The following ANKRD30B variants were observed in gnomAD, a reference collection of about 807,000 sequenced individuals.
ANKRD30B encodes the protein ankyrin repeat domain-containing protein 30B.
A neutral mutation model predicts 202.2 loss-of-function variants in ANKRD30B; 144 were observed. The observed-to-expected ratio is 0.71, with a 90% CI of 0.62 to 0.82. The LOEUF (loss-of-function observed/expected upper bound fraction) is 0.82. Ranked by LOEUF, ANKRD30B falls within the 40% of genes least tolerant of loss-of-function variation. The pLI is 0.00. For missense variants in ANKRD30B, 1,487 were observed against 1,669.1 expected, an observed-to-expected ratio of 0.89 and a Z score of 1.90; for synonymous variants, 508 against 561.3, an observed-to-expected ratio of 0.91 and a Z score of 1.34.
chr18:14,939,394 A>G, the ANKRD30B span, among the ~76,000 whole-genome samples: 95,375 of 151,996 alleles, frequency 0.63, 30,114 homozygotes, highest in African/African-American at 0.7. Context: ...CCTCACACCC[A>G]AGGTCCCTGT....
chr18:14,791,778 G>A (rs1177886863), intron 16 of ANKRD30B, among the ~76,000 whole-genome samples: 1 of 152,188 alleles, frequency 6.6e-6, no homozygotes. Flanking sequence ...AATGAAGATC[G>A]AGAAAGACAG....
chr18:14,899,937 G>A, the ANKRD30B span, among the ~76,000 whole-genome samples: 4 of 152,132 alleles, frequency 2.6e-5, no homozygotes, highest in South Asian at 2.1e-4. Context: ...ATTAAATGAC[G>A]AACGGATGAG....
intron 15 of ANKRD30B, among the ~76,000 whole-genome samples, chr18:14,788,722 A>C (rs1474716910): frequency 2.0e-5 from 3 of 151,976 alleles, no homozygotes; most frequent in African/African-American, 7.2e-5. Flanking sequence ...AAGGACATGA[A>C]CTCATCATTT....
intron 20 of ANKRD30B, 74 bp downstream of exon 20, chr18:14,797,928 T>A (rs1180296889): frequency 4.8e-6 from 6 of 1,260,382 alleles, no homozygotes; most frequent in Non-Finnish European, 5.5e-6. Flanking sequence ...AGCCTTTTAT[T>A]CCCAATGTTG....
At chr18:14,898,207 A>T in the ANKRD30B span, among the ~76,000 whole-genome samples, 2 of 152,122 alleles carry the variant, frequency 1.3e-5, no homozygotes, top group African/African-American at 4.8e-5. Flanking sequence ...TTTAAATATA[A>T]ATTCAAATTA....
the ANKRD30B span, among the ~76,000 whole-genome samples, chr18:14,884,413 C>G: frequency 1.3e-5 from 2 of 152,096 alleles, no homozygotes; most frequent in Non-Finnish European, 2.9e-5. Flanking sequence ...TGTCCAGGCT[C>G]ATGAGCCACA....
chr18:14,898,017 G>A, the ANKRD30B span, among the ~76,000 whole-genome samples: 5 of 152,016 alleles, frequency 3.3e-5, no homozygotes, highest in Non-Finnish European at 7.4e-5. Context: ...TAATTCTCAT[G>A]TTTCACTAAT....
Position 14,784,616 on chromosome 18 carries a change from A to G in ANKRD30B, c.1672+81A>G, listed in dbSNP as rs954736032. Reference sequence around the variant, plus strand: ...ATAGTCTTTCTATCCCCAATGATTTATTTCTTTTAACTTTGATGAAAAGAT... The same window carrying G: ...ATAGTCTTTCTATCCCCAATGATTTGTTTCTTTTAACTTTGATGAAAAGAT... On this transcript the variant is annotated intron_variant, in intron 14 of 43. Coordinates refer to ENST00000690538, the MANE Select transcript of ANKRD30B (RefSeq NM_001367607.2). The G allele has an allele frequency of 4.9e-6, 7 of 1,431,074 alleles. No homozygotes were observed. The South Asian group carries it at 7.9e-5, about 16-fold the overall frequency. The allele number at this position is 1,431,074 out of a possible 1,614,324, so 88.6% of individuals were successfully genotyped here.
chr18:14,761,858 G>A (rs1262912633), intron 6 of ANKRD30B, among the ~76,000 whole-genome samples: 1 of 152,142 alleles, frequency 6.6e-6, no homozygotes, highest in Non-Finnish European at 1.5e-5. Context: ...TGAGCAATAT[G>A]AGAGTTAGGG....
At chr18:14,815,791 G>GA (rs1384476537) in intron 30 of ANKRD30B, among the ~76,000 whole-genome samples, 7 of 152,048 alleles carry the variant, frequency 4.6e-5, no homozygotes, top group Admixed American at 2.6e-4. Flanking sequence ...TGTCAATATT[G>GA]AAAGCTTATT....
intron 32 of ANKRD30B, among the ~76,000 whole-genome samples, chr18:14,827,210 G>T (rs1414571670): frequency 6.6e-6 from 1 of 152,106 alleles, no homozygotes; most frequent in Non-Finnish European, 1.5e-5. Flanking sequence ...GATGACTAAT[G>T]GGCAGATAGC....
chr18:14,881,520 C>G, the ANKRD30B span, among the ~76,000 whole-genome samples: 173 of 152,212 alleles, frequency 1.1e-3, 2 homozygotes, highest in African/African-American at 4.0e-3. Flanking sequence ...CTGTGTTCAT[C>G]AAGGATATTG....
At chr18:14,806,282 T>A (rs570782934) in intron 24 of ANKRD30B, among the ~76,000 whole-genome samples, 2 of 150,470 alleles carry the variant, frequency 1.3e-5, no homozygotes, top group Admixed American at 6.6e-5. Context: ...TTAATTAGAC[T>A]CTCTTCATGG....
the ANKRD30B span, among the ~76,000 whole-genome samples, chr18:14,874,912 A>C: frequency 6.6e-6 from 1 of 152,276 alleles, no homozygotes; most frequent in South Asian, 2.1e-4. Flanking sequence ...GTGGTTCTCA[A>C]AGCCTAGGGG....
chr18:14,894,438 G>A, the ANKRD30B span, among the ~76,000 whole-genome samples: 3 of 151,884 alleles, frequency 2.0e-5, no homozygotes, highest in South Asian at 6.2e-4. Context: ...ACCAATCTCA[G>A]CATCATTAAT....
chr18:14,805,113 G>A (rs1204027503), intron 24 of ANKRD30B, among the ~76,000 whole-genome samples: 1 of 150,598 alleles, frequency 6.6e-6, no homozygotes, highest in African/African-American at 2.5e-5. Flanking sequence ...ATTTGAATAA[G>A]ACATACTAGA....
rs1030357790 is a variant in ANKRD30B at position 14,854,492 on chromosome 18, T to C, written c.*334T>C. Among the ~76,000 whole-genome samples, 1 of 152,188 alleles carries C rather than the reference T, an allele frequency of 6.6e-6. No homozygotes were observed. Among genetic ancestry groups the C allele is most frequent in the Non-Finnish European group, 1.5e-5 (1 of 68,038 alleles). The stretch of plus-strand genomic sequence containing the variant: ...TTGCTCCAGAAATGAATCCTTATCA[T>C]GAATCCCTGACACGTTCAGTGTTTT... On this transcript the variant is annotated 3_prime_UTR_variant, in exon 44 of 44. Coordinates refer to ENST00000690538, the MANE Select transcript of ANKRD30B (RefSeq NM_001367607.2).
intron 15 of ANKRD30B, among the ~76,000 whole-genome samples, chr18:14,790,468 A>G (rs1368292494): frequency 2.0e-5 from 3 of 152,192 alleles, no homozygotes; most frequent in Non-Finnish European, 4.4e-5. Flanking sequence ...GTCTTATGCC[A>G]GTTTTCAAAG....
At chr18:14,826,693 T>TCACACACACACACA (rs61497414) in intron 32 of ANKRD30B, among the ~76,000 whole-genome samples, 213 of 125,034 alleles carry the variant, frequency 1.7e-3, no homozygotes, top group Middle Eastern at 8.2e-3. Context: ...TCTCTCTCTC[T>TCACACACACACACA]CACACACACA....
Sources: gnomAD v4.1 joint callset for allele counts (sites outside exome capture counted in the v4.1 genomes callset) on GRCh38, gnomAD v4.1.1 for gene constraint, MANE v1.5 for transcripts, NCBI Gene and HGNC (gene_info 2026-07-23, HGNC 2026-07-21) for gene names.